Variants in SLC1A2 observed in about 807,000 individuals in gnomAD.
The protein encoded by SLC1A2 is excitatory amino acid transporter 2.
SLC1A2 carries 15 observed loss-of-function variants against 48.8 expected under a neutral mutation model. The observed-to-expected ratio is 0.31, with a 90% CI of 0.21 to 0.47. The LOEUF (loss-of-function observed/expected upper bound fraction) is 0.47, where lower values mean the gene tolerates loss of function less well. Among genes scored for constraint, SLC1A2 ranks in the 20% least tolerant of loss-of-function variants. The probability of loss-of-function intolerance (pLI) is 0.99; values close to 1 mark genes in which losing one functional copy is unlikely to be tolerated. For synonymous variants in SLC1A2, 279 were observed against 272.6 expected (o/e 1.02, Z -0.23); for missense variants, 502 against 730.5 (o/e 0.69, Z 3.61).
chr11:35,330,080 C>T (rs1278541739), intron 1 of SLC1A2, among the ~76,000 whole-genome samples: 3 of 152,228 alleles, frequency 2.0e-5, no homozygotes, highest in East Asian at 1.9e-4. Context: ...ACAAGGTGCA[C>T]ACACTTAATC....
At chr11:35,353,601 G>A (rs866747855) in intron 1 of SLC1A2, among the ~76,000 whole-genome samples, 24 of 152,244 alleles carry the variant, frequency 1.6e-4, no homozygotes, top group Middle Eastern at 3.4e-3. Flanking sequence ...TAGAGAGCTC[G>A]AAGACAAATG....
At position 35,256,778 on chromosome 11, in the gene SLC1A2, C is replaced by T. The variant is rs865859883; in HGVS notation, c.*4116G>A. On this transcript the variant is annotated 3_prime_UTR_variant, in exon 11 of 11. Transcript: ENST00000278379. Reference sequence around the variant, plus strand: ...CCAGCAGCTCAGACAACTAGATAGCCGTAAGAGTTAGAGAGCAGCTAGGTG... The same window carrying T: ...CCAGCAGCTCAGACAACTAGATAGCTGTAAGAGTTAGAGAGCAGCTAGGTG... 1 of 151,986 alleles carries T rather than the reference C, an allele frequency of 6.6e-6. No individual in the cohort carries two copies. The highest frequency in any genetic ancestry group is 1.9e-4 in the East Asian group (1 of 5,194). 9.4% of individuals were successfully genotyped at this position (151,986 alleles called of 1,614,324 possible).
At chr11:35,336,578 CAGAT>C (rs969349076) in intron 1 of SLC1A2, among the ~76,000 whole-genome samples, 11 of 152,256 alleles carry the variant, frequency 7.2e-5, no homozygotes, top group Middle Eastern at 3.4e-3. Context: ...AAGGAACAAA[CAGAT>C]AGAGTGCTAT....
At chr11:35,317,342 G>A in intron 2 of SLC1A2, 35 bp downstream of exon 2, 1 of 1,602,628 alleles carries the variant, frequency 6.2e-7, no homozygotes, top group Non-Finnish European at 8.5e-7. Context: ...TCCCAGAGAA[G>A]AGGGGGCTGG....
At chr11:35,380,000 C>T (rs1162087423) in intron 1 of SLC1A2, among the ~76,000 whole-genome samples, 2 of 152,228 alleles carry the variant, frequency 1.3e-5, no homozygotes, top group African/African-American at 4.8e-5. Context: ...GGGTCAGGTT[C>T]ATTATGTTAA....
rs993038921 is a variant in SLC1A2, at chr11:35,252,064, C to T, written c.*8830G>A. 1 of 152,618 alleles carries T rather than the reference C, an allele frequency of 6.6e-6. No homozygotes were observed. The highest frequency in any genetic ancestry group is 2.4e-5 in the African/African-American group (1 of 41,450). 9.5% of individuals were successfully genotyped at this position (152,618 alleles called of 1,614,324 possible). A position where few individuals can be genotyped will look rare whatever the true frequency, so the allele number is the denominator to read the frequency against. ...GGACCTGTGTTCATCAGTTGCCCCT[C>T]TACAACCGCATAAGCTGTACACTCA... On this transcript the variant is annotated 3_prime_UTR_variant, in exon 11 of 11. Coordinates refer to ENST00000278379, the MANE Select transcript of SLC1A2 (RefSeq NM_004171.4).
upstream of SLC1A2, chr11:35,420,097 T>C: frequency 4.3e-6 from 1 of 230,268 alleles, no homozygotes; most frequent in Non-Finnish European, 9.8e-6. Context: ...TTAATGCAGC[T>C]CCCTGGGGGC....
At chr11:35,319,359 T>C (rs1419157883) in intron 1 of SLC1A2, among the ~76,000 whole-genome samples, 1 of 152,212 alleles carries the variant, frequency 6.6e-6, no homozygotes, top group African/African-American at 2.4e-5. Flanking sequence ...GCAAGTAATC[T>C]GAAGCTCTAA....
At chr11:35,381,968 A>C (rs1854436141) in intron 1 of SLC1A2, among the ~76,000 whole-genome samples, 1 of 152,230 alleles carries the variant, frequency 6.6e-6, no homozygotes, top group African/African-American at 2.4e-5. Flanking sequence ...AGTACCCTGC[A>C]CAAAGCCAAC....
intron 6 of SLC1A2, among the ~76,000 whole-genome samples, chr11:35,296,353 G>A (rs1457943595): frequency 7.9e-5 from 12 of 152,202 alleles, no homozygotes; most frequent in Admixed American, 7.2e-4. Context: ...GGTGCTGTCT[G>A]TGCTCAGAAA....
At chr11:35,408,711 A>T (rs1855373638) in intron 1 of SLC1A2, among the ~76,000 whole-genome samples, 1 of 152,240 alleles carries the variant, frequency 6.6e-6, no homozygotes, top group Admixed American at 6.5e-5. Context: ...AAAGGGTAAA[A>T]GTTTTTGTTA....
intron 1 of SLC1A2, among the ~76,000 whole-genome samples, chr11:35,356,302 G>A (rs1398461224): frequency 6.6e-6 from 1 of 152,174 alleles, no homozygotes; most frequent in East Asian, 1.9e-4. Flanking sequence ...GTGATGTTAT[G>A]GGCAGGTGTG....
chr11:35,285,521 A>G (rs1343470615), intron 8 of SLC1A2: 1 of 152,224 alleles, frequency 6.6e-6, no homozygotes, highest in Non-Finnish European at 1.5e-5. Flanking sequence ...TACTACAAGT[A>G]CATCTGTCAC....
chr11:35,408,759 C>T (rs1395676035), intron 1 of SLC1A2, among the ~76,000 whole-genome samples: 1 of 152,236 alleles, frequency 6.6e-6, no homozygotes, highest in African/African-American at 2.4e-5. Flanking sequence ...GAATCATTCA[C>T]ACTCTTTTAT....
chr11:35,380,188 T>C (rs1317378686), intron 1 of SLC1A2, among the ~76,000 whole-genome samples: 1 of 152,216 alleles, frequency 6.6e-6, no homozygotes, highest in East Asian at 1.9e-4. Context: ...TCCCAAACTG[T>C]AGATGCACAG....
intron 1 of SLC1A2, among the ~76,000 whole-genome samples, chr11:35,396,591 G>A (rs1280507943): frequency 6.6e-6 from 1 of 151,882 alleles, no homozygotes; most frequent in Non-Finnish European, 1.5e-5. Flanking sequence ...TTTGTCAGAT[G>A]AGTAGGTTGG....
chr11:35,351,277 T>C (rs1396566928), intron 1 of SLC1A2, among the ~76,000 whole-genome samples: 4 of 152,238 alleles, frequency 2.6e-5, no homozygotes, highest in Admixed American at 2.0e-4. Flanking sequence ...CATGCTCTTC[T>C]CTCTGCATAA....
intron 1 of SLC1A2, among the ~76,000 whole-genome samples, chr11:35,410,112 AT>A (rs1855414920): frequency 6.7e-6 from 1 of 149,880 alleles, no homozygotes; most frequent in Non-Finnish European, 1.5e-5. Flanking sequence ...TGAGGTTTTT[AT>A]TTTTTAAGAT....
chr11:35,418,815 C>T (rs1855690141), intron 1 of SLC1A2, 135 bp downstream of exon 1: 4 of 731,076 alleles, frequency 5.5e-6, no homozygotes, highest in Non-Finnish European at 9.6e-6. Flanking sequence ...ACCATCCCAT[C>T]CCCAGCCAAG....
Sources: gnomAD v4.1 joint callset for allele counts (sites outside exome capture counted in the v4.1 genomes callset) on GRCh38, gnomAD v4.1.1 for gene constraint, MANE v1.5 for transcripts, NCBI Gene and HGNC (gene_info 2026-07-23, HGNC 2026-07-21) for gene names.